The following SV2B variants were observed in gnomAD, a reference collection of about 807,000 sequenced individuals.
SV2B encodes the protein solute carrier family 22 member B2.
In SV2B, 41 loss-of-function variants were observed where a neutral mutation model predicts 73.9. That is an observed-to-expected ratio of 0.56 (90% CI 0.43 to 0.72). The LOEUF (loss-of-function observed/expected upper bound fraction) is 0.72. SV2B is among the 30% of genes least tolerant of loss of function. The probability of loss-of-function intolerance (pLI) is 0.00; values close to 1 mark genes in which losing one functional copy is unlikely to be tolerated. For synonymous variants in SV2B, 314 were observed against 314.2 expected (o/e 1.00, Z 0.01); for missense variants, 764 against 857.8 (o/e 0.89, Z 1.37).
At chr15:91,221,693 G>GCGCGCGCACACACACA (rs370290337) in intron 1 of SV2B, among the ~76,000 whole-genome samples, 20 of 140,158 alleles carry the variant, frequency 1.4e-4, no homozygotes, top group East Asian at 6.4e-4. Flanking sequence ...AAGCATGTGC[G>GCGCGCGCACACACACA]CACACACACA....
In SV2B at chr15:91,240,977, A is replaced by G. The variant is rs2046988727; in HGVS notation, c.452-10842A>G. Among the ~76,000 whole-genome samples, 1 of 152,116 alleles carries G rather than the reference A, an allele frequency of 6.6e-6. No homozygotes were observed. The highest frequency in any genetic ancestry group is 2.4e-5 in the African/African-American group (1 of 41,410). On this transcript the variant is annotated intron_variant, in intron 2 of 12. Coordinates refer to ENST00000394232, the MANE Select transcript of SV2B (RefSeq NM_001323032.3). The surrounding 1 kb of genome is among the most constrained non-coding windows in gnomAD (Gnocchi z 4.6). The stretch of plus-strand genomic sequence containing the variant: ...AGATCTCATATTCGAATCTCTTGTC[A>G]TCAGAGAGCATCACTTACTACACAT...
Position 91,294,888 on chromosome 15 carries a change from C to T in SV2B, c.*2336C>T, listed in dbSNP as rs913055669. On this transcript the variant is annotated 3_prime_UTR_variant, in exon 13 of 13. Coordinates refer to ENST00000394232, the MANE Select transcript of SV2B (RefSeq NM_001323032.3). This position sits in a 1 kb window ranked among gnomAD's most constrained non-coding sequence, Gnocchi z 4.1. ...AGGGCAATTCCCATCTCATCCATCA[C>T]TCAGGTCTTTGTAAAGGGTGCAGCC... 1 of 152,642 alleles carries T rather than the reference C, an allele frequency of 6.6e-6. No individual in the cohort carries two copies. Among genetic ancestry groups the T allele is most frequent in the Non-Finnish European group, 1.5e-5 (1 of 68,058 alleles). The allele number at this position is 152,642 out of a possible 1,614,324, so 9.5% of individuals were successfully genotyped here. A position where few individuals can be genotyped will look rare whatever the true frequency, so the allele number is the denominator to read the frequency against.
chr15:91,230,125 C>T (rs2046518976), intron 2 of SV2B, among the ~76,000 whole-genome samples: 2 of 151,974 alleles, frequency 1.3e-5, no homozygotes, highest in Admixed American at 6.6e-5. Context: ...CCTGTAGTTC[C>T]AGCTACTTGA....
At position 91,295,721 on chromosome 15, in the gene SV2B, T is replaced by C. The variant is rs2049197993; in HGVS notation, c.*3169T>C. 1 of 152,212 alleles carries C rather than the reference T, an allele frequency of 6.6e-6. No individual in the cohort carries two copies. Among genetic ancestry groups the C allele is most frequent in the Admixed American group, 6.5e-5 (1 of 15,282 alleles). 9.4% of individuals were successfully genotyped at this position (152,212 alleles called of 1,614,324 possible). ...TTGACTATTCCCTTGATGGCTTTAC[T>C]ATAATGAGAGGAAGCATCAGTTTAA... On this transcript the variant is annotated 3_prime_UTR_variant, in exon 13 of 13. Transcript: ENST00000394232.
chr15:91,212,039 A>G (rs2045887370), intron 1 of SV2B, among the ~76,000 whole-genome samples: 2 of 152,222 alleles, frequency 1.3e-5, no homozygotes, highest in Non-Finnish European at 2.9e-5. Flanking sequence ...CCACCAGGTT[A>G]TAACATCTCT....
At chr15:91,243,357 C>G (rs994182756) in intron 2 of SV2B, among the ~76,000 whole-genome samples, 3 of 152,156 alleles carry the variant, frequency 2.0e-5, no homozygotes, top group African/African-American at 7.2e-5. Context: ...TGAAACATCT[C>G]TAGTGTGGTG....
At chr15:91,111,693 A>G (rs2042040200) in intron 1 of SV2B, among the ~76,000 whole-genome samples, 1 of 152,216 alleles carries the variant, frequency 6.6e-6, no homozygotes, top group Non-Finnish European at 1.5e-5. Flanking sequence ...TTTCATTGCT[A>G]TAAAGAAATA....
intron 1 of SV2B, among the ~76,000 whole-genome samples, chr15:91,119,696 G>T (rs2042274402): frequency 6.6e-6 from 1 of 152,190 alleles, no homozygotes; most frequent in Non-Finnish European, 1.5e-5. Context: ...GCTTGTTCTA[G>T]TTAACCTGAC....
At chr15:91,107,868 C>T (rs1270474040) in intron 1 of SV2B, among the ~76,000 whole-genome samples, 1 of 152,130 alleles carries the variant, frequency 6.6e-6, no homozygotes, top group African/African-American at 2.4e-5. Context: ...ACCTTAGTCC[C>T]CAAAGTGGTG....
At position 91,260,479 on chromosome 15, in the gene SV2B, A is replaced by T. The variant is rs1013576076; in HGVS notation, c.1008+70A>T. 9.0e-6 allele frequency: 11 copies of T among 1,227,982 alleles called. No homozygotes were observed. The African/African-American group carries it at 1.5e-4, about 17-fold the overall frequency. The allele number at this position is 1,227,982 out of a possible 1,614,324, so 76.1% of individuals were successfully genotyped here. ...CACTGCTTTGATTTACTAAAAAGTA[A>T]TTTAAGCACATAACAGGAAATTTGT... On this transcript the variant is annotated intron_variant, in intron 6 of 12. Coordinates refer to ENST00000394232, the MANE Select transcript of SV2B (RefSeq NM_001323032.3).
At chr15:91,154,138 A>C (rs2043406546) in intron 1 of SV2B, among the ~76,000 whole-genome samples, 1 of 147,932 alleles carries the variant, frequency 6.8e-6, no homozygotes, top group Non-Finnish European at 1.5e-5. Flanking sequence ...TTAATATTTG[A>C]TATTAATTTA....
intron 1 of SV2B, among the ~76,000 whole-genome samples, chr15:91,142,068 A>C (rs2043013084): frequency 6.6e-6 from 1 of 151,984 alleles, no homozygotes; most frequent in Non-Finnish European, 1.5e-5. Context: ...ATATGATGGG[A>C]TCACACTCCA....
chr15:91,188,482 T>A (rs1596546786), intron 1 of SV2B, among the ~76,000 whole-genome samples: 1 of 151,592 alleles, frequency 6.6e-6, no homozygotes, highest in African/African-American at 2.4e-5. Flanking sequence ...CCTGGCTAAT[T>A]TTTTTTGTAT....
chr15:91,146,292 G>T (rs2043144623), intron 1 of SV2B, among the ~76,000 whole-genome samples: 1 of 152,088 alleles, frequency 6.6e-6, no homozygotes, highest in African/African-American at 2.4e-5. Context: ...TTATAGGTGT[G>T]CGGTCTTATT....
rs1460697961 is a variant in SV2B, at chr15:91,302,045, C to T, written c.*9493C>T. ...TGCAGATGTTTCTGGGCCACTAGGC[C>T]AATATTAACCAAATTATTATAGACA... On this transcript the variant is annotated 3_prime_UTR_variant, in exon 13 of 13. Coordinates refer to ENST00000394232, the MANE Select transcript of SV2B (RefSeq NM_001323032.3). Among the ~76,000 whole-genome samples the T allele has an allele frequency of 6.6e-6, 1 of 152,026 alleles. No homozygotes were observed. Among genetic ancestry groups the T allele is most frequent in the Non-Finnish European group, 1.5e-5 (1 of 68,022 alleles).
chr15:91,099,658 C>G (rs530569006), upstream of SV2B, among the ~76,000 whole-genome samples: 56 of 152,318 alleles, frequency 3.7e-4, 2 homozygotes, highest in South Asian at 0.012. Context: ...TGCACCAAGC[C>G]TTGCAGGCTT....
intron 1 of SV2B, among the ~76,000 whole-genome samples, chr15:91,116,171 G>A (rs950838225): frequency 1.3e-5 from 2 of 152,116 alleles, no homozygotes; most frequent in African/African-American, 4.8e-5. Context: ...CATTCTCCCT[G>A]TGCATAGGAC....
In SV2B at chr15:91,293,138, C is replaced by G. The variant is rs775427505; in HGVS notation, c.*586C>G. ...GCAACATCTATAGAGATCTACTTTT[C>G]TCCTATGTCTCCTAGGCTTTCCATG... is the stretch of plus-strand genomic sequence containing the variant. On this transcript the variant is annotated 3_prime_UTR_variant, in exon 13 of 13. Transcript: ENST00000394232. 2.0e-5 allele frequency: 3 copies of G among 152,228 alleles called. No homozygotes were observed. The highest frequency in any genetic ancestry group is 7.2e-5 in the African/African-American group (3 of 41,448). The allele number at this position is 152,228 out of a possible 1,614,324, so 9.4% of individuals were successfully genotyped here.
chr15:91,196,226 G>A (rs999627823), intron 1 of SV2B, among the ~76,000 whole-genome samples: 2 of 152,296 alleles, frequency 1.3e-5, no homozygotes, highest in South Asian at 4.2e-4. Flanking sequence ...TATGCTCAGG[G>A]CAAGGCACGG....
Sources: allele counts gnomAD v4.1 joint callset (sites outside exome capture counted in the v4.1 genomes callset), GRCh38; gene constraint gnomAD v4.1.1; non-coding constraint Gnocchi (gnomAD v3.1); transcripts MANE v1.5; gene names NCBI Gene and HGNC (gene_info 2026-07-23, HGNC 2026-07-21).